PDE1C: variants seen among roughly 807,000 people sequenced by gnomAD.
PDE1C encodes the protein dual specificity calcium/calmodulin-dependent 3',5'-cyclic nucleotide phosphodiesterase 1C.
Under a neutral mutation model 93.1 loss-of-function variants are expected in PDE1C, and 62 were observed. The ratio of observed to expected loss-of-function variants is 0.67; its 90% CI spans 0.54 to 0.82. The LOEUF is 0.82. Among genes scored for constraint, PDE1C ranks in the 40% least tolerant of loss-of-function variants. The probability of loss-of-function intolerance (pLI) is 0.00; values close to 1 mark genes in which losing one functional copy is unlikely to be tolerated. For missense variants in PDE1C, 742 were observed against 884.6 expected (o/e 0.84, Z 2.04); for synonymous variants, 325 against 310.1 (o/e 1.05, Z -0.50).
intron 2 of PDE1C, among the ~76,000 whole-genome samples, chr7:31,901,125 G>A (rs1467734074): frequency 5.6e-4 from 55 of 97,482 alleles, no homozygotes; most frequent in African/African-American, 1.7e-3. Context: ...CCCTCTAGTA[G>A]CATTATTTAC....
At chr7:31,841,654 G>A (rs1791914983) in intron 9 of PDE1C, among the ~76,000 whole-genome samples, 1 of 151,866 alleles carries the variant, frequency 6.6e-6, no homozygotes, top group South Asian at 2.1e-4. Context: ...TTAAATATGG[G>A]GAATTCTTTT....
At chr7:32,142,556 G>A (rs1342041254) in intron 3 of PDE1C, among the ~76,000 whole-genome samples, 1 of 152,180 alleles carries the variant, frequency 6.6e-6, no homozygotes, top group Non-Finnish European at 1.5e-5. Flanking sequence ...TTTAGACAGG[G>A]ACACTATCAC....
At chr7:31,679,376 A>G in the PDE1C span, among the ~76,000 whole-genome samples, 1 of 152,238 alleles carries the variant, frequency 6.6e-6, no homozygotes, top group Admixed American at 6.5e-5. Flanking sequence ...TATTTTGAAT[A>G]CATGCTGGGT....
intron 1 of PDE1C, among the ~76,000 whole-genome samples, chr7:32,284,959 G>A (rs1046132023): frequency 1.6e-4 from 24 of 151,840 alleles, no homozygotes; most frequent in African/African-American, 5.6e-4. Flanking sequence ...GAACCTGGGA[G>A]GCAGAAGTTG....
intron 1 of PDE1C, among the ~76,000 whole-genome samples, chr7:32,258,304 G>T (rs1321363058): frequency 6.6e-6 from 1 of 152,216 alleles, no homozygotes; most frequent in African/African-American, 2.4e-5. Context: ...TTATATCCTA[G>T]CCAAAGGTGT....
chr7:31,932,572 C>A (rs970953201), intron 2 of PDE1C, among the ~76,000 whole-genome samples: 1 of 152,066 alleles, frequency 6.6e-6, no homozygotes, highest in Non-Finnish European at 1.5e-5. Flanking sequence ...ACAACAGATG[C>A]GGGTGAGGAT....
In PDE1C at chr7:31,822,960, G is replaced by A. The variant is rs59187276; in HGVS notation, c.1582+113C>T. 31,469 of 811,826 alleles carry A rather than the reference G, an allele frequency of 0.039. 1,581 individuals are homozygous for A. The highest frequency in any genetic ancestry group is 0.2 in the African/African-American group (11,425 of 57,484). 50.3% of individuals were successfully genotyped at this position (811,826 alleles called of 1,614,324 possible). The stretch of plus-strand genomic sequence containing the variant: ...CAAAAGATGGTAGATTCTAATATTC[G>A]GCAATTTGAATCTGCATCCTGAGCA... On this transcript the variant is annotated intron_variant, in intron 14 of 17. Transcript: ENST00000396191.
intron 1 of PDE1C, among the ~76,000 whole-genome samples, chr7:32,385,501 A>C (rs1314755199): frequency 3.9e-5 from 6 of 152,144 alleles, no homozygotes; most frequent in Non-Finnish European, 1.5e-5. Flanking sequence ...TACCCTACCA[A>C]GGTCCCTCAC....
At chr7:32,419,067 A>G (rs768268844) in intron 1 of PDE1C, among the ~76,000 whole-genome samples, 3 of 152,242 alleles carry the variant, frequency 2.0e-5, no homozygotes, top group Non-Finnish European at 2.9e-5. Context: ...GCAACCTGTT[A>G]GTTTAATTAA....
At chr7:32,326,937 G>A (rs919472246) in intron 1 of PDE1C, among the ~76,000 whole-genome samples, 3 of 152,140 alleles carry the variant, frequency 2.0e-5, no homozygotes, top group Non-Finnish European at 4.4e-5. Context: ...ATGAGCTGAG[G>A]TCCCTAGACA....
chr7:32,169,133 GA>G (rs978852175), intron 3 of PDE1C, among the ~76,000 whole-genome samples: 258 of 151,260 alleles, frequency 1.7e-3, no homozygotes, highest in African/African-American at 5.6e-3. Context: ...CCCATTTGGG[GA>G]AAAAAAAATC....
intron 1 of PDE1C, among the ~76,000 whole-genome samples, chr7:32,059,567 T>C (rs545570870): frequency 1.3e-5 from 2 of 152,300 alleles, no homozygotes; most frequent in South Asian, 4.1e-4. Context: ...TCAAATCTGC[T>C]GCTCATGCCT....
intron 1 of PDE1C, among the ~76,000 whole-genome samples, chr7:32,235,871 A>T (rs1344628461): frequency 6.6e-6 from 1 of 152,146 alleles, no homozygotes; most frequent in African/African-American, 2.4e-5. Context: ...ATAAAGTTGT[A>T]GGGCTCATAC....
At chr7:32,163,017 C>G (rs1456166729) in intron 3 of PDE1C, among the ~76,000 whole-genome samples, 1 of 152,164 alleles carries the variant, frequency 6.6e-6, no homozygotes, top group Admixed American at 6.5e-5. Context: ...CTTCTCTAGG[C>G]TTTAAAAATT....
chr7:31,875,540 C>T (rs1033452723), intron 5 of PDE1C, among the ~76,000 whole-genome samples: 1 of 151,892 alleles, frequency 6.6e-6, no homozygotes, highest in African/African-American at 2.4e-5. Flanking sequence ...CTGCCTTCAA[C>T]CATTCTTCCT....
At chr7:31,883,885 G>C (rs1462072563) in intron 2 of PDE1C, among the ~76,000 whole-genome samples, 1 of 152,228 alleles carries the variant, frequency 6.6e-6, no homozygotes, top group Non-Finnish European at 1.5e-5. Flanking sequence ...GTCACCAGTG[G>C]TGCCAGGCAG....
chr7:31,631,913 T>C, the PDE1C span, among the ~76,000 whole-genome samples: 1 of 152,184 alleles, frequency 6.6e-6, no homozygotes, highest in South Asian at 2.1e-4. Flanking sequence ...TCAAGATATA[T>C]ACAAGCTCCG....
intron 1 of PDE1C, among the ~76,000 whole-genome samples, chr7:32,246,055 A>G (rs1057255556): frequency 1.3e-5 from 2 of 149,688 alleles, no homozygotes; most frequent in Non-Finnish European, 3.0e-5. Context: ...TGAAGCCTCG[A>G]ACTCCTGGAC....
the PDE1C span, among the ~76,000 whole-genome samples, chr7:31,700,325 A>C: frequency 6.6e-6 from 1 of 152,204 alleles, no homozygotes; most frequent in Non-Finnish European, 1.5e-5. Flanking sequence ...TACACCAGCC[A>C]TAACCCTTCC....
Sources: allele counts gnomAD v4.1 joint callset (sites outside exome capture counted in the v4.1 genomes callset), GRCh38; gene constraint gnomAD v4.1.1; transcripts MANE v1.5; gene names NCBI Gene and HGNC (gene_info 2026-07-23, HGNC 2026-07-21).